DIO3: variants seen among roughly 807,000 people sequenced by gnomAD.
DIO3 encodes thyroxine 5-deiodinase.
In DIO3, 5 loss-of-function variants were observed where a neutral mutation model predicts 20.4. That is an observed-to-expected ratio of 0.25 (90% CI 0.13 to 0.52). The LOEUF (loss-of-function observed/expected upper bound fraction) is 0.52. Among genes scored for constraint, DIO3 ranks in the 20% least tolerant of loss-of-function variants. The pLI, the probability that DIO3 is intolerant of heterozygous loss-of-function variation, is 0.97. For synonymous variants in DIO3, 201 were observed against 193.3 expected, an observed-to-expected ratio of 1.04 and a Z score of -0.33; for missense variants, 341 against 438.2, an observed-to-expected ratio of 0.78 and a Z score of 1.98.
In DIO3 at chr14:101,562,818, G is replaced by T; in HGVS notation, c.*407G>T. On this transcript the variant is annotated 3_prime_UTR_variant, in exon 1 of 1. Coordinates refer to ENST00000510508, the Ensembl canonical transcript of DIO3. This position sits in a 1 kb window ranked among gnomAD's most constrained non-coding sequence, Gnocchi z 8.7. ...CGCCCGCGCGCCCTGAGCGCAGCTG[G>T]GTTCCAGGAGACTCTCAGCTCAGCT... The T allele has an allele frequency of 5.5e-6, 1 of 183,342 alleles. No individual in the cohort carries two copies. 11.4% of individuals were successfully genotyped at this position (183,342 alleles called of 1,614,324 possible).
chr14:101,563,183 C>T lies in DIO3; in HGVS notation c.*772C>T, dbSNP rs372229373. 1 of 167,114 alleles carries T rather than the reference C, an allele frequency of 6.0e-6. No individual in the cohort carries two copies. The highest frequency in any genetic ancestry group is 2.4e-5 in the African/African-American group (1 of 41,484). 10.4% of individuals were successfully genotyped at this position (167,114 alleles called of 1,614,324 possible). ...GACCAGAGGAAGATAGCTTGAGAGG[C>T]ATTGGCGAGGTTCGCAGCGCCCCAG... On this transcript the variant is annotated 3_prime_UTR_variant, in exon 1 of 1. Coordinates refer to ENST00000510508, the Ensembl canonical transcript of DIO3. The surrounding 1 kb of genome is among the most constrained non-coding windows in gnomAD (Gnocchi z 8.3).
Position 101,561,979 on chromosome 14 carries a change from G to T in DIO3, c.483G>T (p.Leu161=), listed in dbSNP as rs2034529663. 2 of 1,602,902 alleles carry T rather than the reference G, an allele frequency of 1.2e-6. No individual in the cohort carries two copies. The highest frequency in any genetic ancestry group is 1.7e-6 in the Non-Finnish European group (2 of 1,179,982). Residue 161 remains leucine (L), a synonymous_variant, in exon 1 of 1, where the codon CTG becomes CTT. Coordinates refer to ENST00000510508, the Ensembl canonical transcript of DIO3. The surrounding 1 kb of genome is among the most constrained non-coding windows in gnomAD (Gnocchi z 8.0). The stretch of plus-strand genomic sequence containing the variant: ...ACTACGCGCAAGGGAACCGCCCGCT[G>T]GTTCTCAATTTCGGCAGCTGCACCT...
In DIO3 at chr14:101,561,749, G is replaced by A; in HGVS notation, c.253G>A (p.Glu85Lys). The A allele has an allele frequency of 6.2e-7, 1 of 1,612,798 alleles. No homozygotes were observed. Among genetic ancestry groups the A allele is most frequent in the Non-Finnish European group, 8.5e-7 (1 of 1,179,866 alleles). The stretch of plus-strand genomic sequence containing the variant: ...CCGGGGGCAGCCCGAGCCCGAAGTG[G>A]AGCTCAACAGTGAAGGCGAGGAGGT... The change falls in exon 1 of 1, where the codon GAG becomes AAG. Residue 85 changes from glutamate (E) to lysine (K), a missense_variant. Around this residue, in one of 3 missense-constraint regions of DIO3, gnomAD observed 198 missense variants for 220.7 expected, o/e 0.90. Coordinates refer to ENST00000510508, the Ensembl canonical transcript of DIO3. The surrounding 1 kb of genome is among the most constrained non-coding windows in gnomAD (Gnocchi z 8.0).
Position 101,562,457 on chromosome 14 carries a change from G to A in DIO3, c.*46G>A, listed in dbSNP as rs905035845. 6.5e-7 allele frequency: 1 copy of A among 1,548,328 alleles called. No individual in the cohort carries two copies. The highest frequency in any genetic ancestry group is 1.4e-5 in the African/African-American group (1 of 72,988). On this transcript the variant is annotated 3_prime_UTR_variant, in exon 1 of 1. Coordinates refer to ENST00000510508, the Ensembl canonical transcript of DIO3. This position sits in a 1 kb window ranked among gnomAD's most constrained non-coding sequence, Gnocchi z 8.7. ...TGAACTTGGTGGGCTGGGCCTTCGA[G>A]CCTTCGAAGCCCACGTGCAAGCGCC...
In DIO3 at chr14:101,561,717, G is replaced by A. The variant is rs775164049; in HGVS notation, c.221G>A (p.Arg74His). The A allele has an allele frequency of 6.2e-7, 1 of 1,612,400 alleles. No homozygotes were observed. The change falls in exon 1 of 1, where the codon CGC (arginine) becomes CAC (histidine). Residue 74 changes from arginine (R) to histidine (H), a missense_variant. Physicochemically the swap from Arg to His is conservative, Grantham distance 29. Coordinates refer to ENST00000510508, the Ensembl canonical transcript of DIO3. The surrounding 1 kb of genome is among the most constrained non-coding windows in gnomAD (Gnocchi z 8.0). Reference sequence around the variant, plus strand: ...TGTATCCGCAAGCATTTCCTGGGCCGCCGCCGCCGGGGGCAGCCCGAGCCC... The same window carrying A: ...TGTATCCGCAAGCATTTCCTGGGCCACCGCCGCCGGGGGCAGCCCGAGCCC...
rs781607275 is a variant in DIO3, at chr14:101,561,685, T to G, written c.189T>G (p.Asp63Glu). The G allele has an allele frequency of 6.2e-7, 1 of 1,613,582 alleles. No homozygotes were observed. Among genetic ancestry groups the G allele is most frequent in the East Asian group, 2.2e-5 (1 of 44,864 alleles). Reference sequence around the variant, plus strand: ...CGGCCTTCATGCTCTGGCTTCTCGATTTCTTGTGTATCCGCAAGCATTTCC... The same window carrying G: ...CGGCCTTCATGCTCTGGCTTCTCGAGTTCTTGTGTATCCGCAAGCATTTCC... The change falls in exon 1 of 1, where the codon GAT (aspartate) becomes GAG (glutamate). Residue 63 changes from aspartate (D) to glutamate (E), a missense_variant. By Grantham distance (45) the Asp-to-Glu change is conservative. Transcript: ENST00000510508. The surrounding 1 kb of genome is among the most constrained non-coding windows in gnomAD (Gnocchi z 8.0).
In DIO3 at chr14:101,561,578, C is replaced by G; in HGVS notation, c.82C>G (p.Leu28Val). The G allele has an allele frequency of 6.2e-7, 1 of 1,613,294 alleles. No individual in the cohort carries two copies. Among genetic ancestry groups the G allele is most frequent in the Non-Finnish European group, 8.5e-7 (1 of 1,179,942 alleles). ...GGCTTCGGGGCCTGCAGCCACCATG[C>G]TCCGCTCCCTGCTGCTTCACTCCTT... is the stretch of plus-strand genomic sequence containing the variant. The change falls in exon 1 of 1, where the codon CTC (leucine) becomes GTC (valine). Residue 28 changes from leucine to valine, a missense_variant. Physicochemically the swap from Leu to Val is conservative, Grantham distance 32. Around this residue, in one of 3 missense-constraint regions of DIO3, gnomAD observed 198 missense variants for 220.7 expected, o/e 0.90. Coordinates refer to ENST00000510508, the Ensembl canonical transcript of DIO3. The surrounding 1 kb of genome is among the most constrained non-coding windows in gnomAD (Gnocchi z 8.0).
rs756632426 is a variant in DIO3 at position 101,561,898 on chromosome 14, G to A, written c.402G>A (p.Pro134=). 8 of 1,604,582 alleles carry A rather than the reference G, an allele frequency of 5.0e-6. No homozygotes were observed. In the Admixed American group the frequency reaches 5.0e-5, roughly 10 times the overall value. Residue 134 remains proline (P), a synonymous_variant, in exon 1 of 1, where the codon CCG becomes CCA. Coordinates refer to ENST00000510508, the Ensembl canonical transcript of DIO3. This position sits in a 1 kb window ranked among gnomAD's most constrained non-coding sequence, Gnocchi z 8.0. ...TCAAGCAGGCGCACGAGGGCGGTCC[G>A]GCGCCCAACTCCGAGGTGGTTCTGC...
rs780143025 is a variant in DIO3, at chr14:101,561,519, G to A, written c.23G>A (p.Arg8Gln). ...CAGATGCCTCGCCAGGCCACGTCGCGGTTGGTGGTCGGAGAGGGCGAGGGG... is the reference window on the plus strand; with the variant it reads ...CAGATGCCTCGCCAGGCCACGTCGCAGTTGGTGGTCGGAGAGGGCGAGGGG... Residue 8 changes from arginine (R) to glutamine (Q), a missense_variant, in exon 1 of 1, where the codon CGG becomes CAG. Transcript: ENST00000510508. The surrounding 1 kb of genome is among the most constrained non-coding windows in gnomAD (Gnocchi z 8.0). 9 of 1,607,678 alleles carry A rather than the reference G, an allele frequency of 5.6e-6. No individual in the cohort carries two copies. Among genetic ancestry groups the A allele is most frequent in the South Asian group, 2.2e-5 (2 of 90,574 alleles).
rs375790348 is a variant in DIO3, at chr14:101,561,558, C to T, written c.62C>T (p.Ser21Leu). 1,159 of 1,612,832 alleles carry T rather than the reference C, an allele frequency of 7.2e-4. 1 individual carries two copies. Among genetic ancestry groups the T allele is most frequent in the Non-Finnish European group, 9.4e-4 (1,114 of 1,179,754 alleles). The change falls in exon 1 of 1, where the codon TCG (serine) becomes TTG (leucine). Residue 21 changes from serine (S) to leucine (L), a missense_variant. Coordinates refer to ENST00000510508, the Ensembl canonical transcript of DIO3. This position sits in a 1 kb window ranked among gnomAD's most constrained non-coding sequence, Gnocchi z 8.0. ...GAGGGCGAGGGGTCCCAGGGGGCTTCGGGGCCTGCAGCCACCATGCTCCGC... is the reference window on the plus strand; with the variant it reads ...GAGGGCGAGGGGTCCCAGGGGGCTTTGGGGCCTGCAGCCACCATGCTCCGC...
Sources: gnomAD v4.1 joint callset for allele counts on GRCh38, gnomAD v4.1.1 for gene constraint, gnomAD v4.1.1 regional missense constraint, Gnocchi (gnomAD v3.1) non-coding constraint, MANE v1.5 for transcripts, NCBI Gene and HGNC (gene_info 2026-07-23, HGNC 2026-07-21) for gene names.